Variants in TRPM3 observed in about 807,000 individuals in gnomAD.
TRPM3 encodes the protein long transient receptor potential channel 3.
Under a neutral mutation model 181.2 loss-of-function variants are expected in TRPM3, and 77 were observed. The ratio of observed to expected loss-of-function variants is 0.42; its 90% CI spans 0.35 to 0.51. TRPM3 has a LOEUF of 0.51. Among genes scored for constraint, TRPM3 ranks in the 20% least tolerant of loss-of-function variants. The pLI, the probability that TRPM3 is intolerant of heterozygous loss-of-function variation, is 0.01. For missense variants in TRPM3, 1,759 were observed against 2,196.7 expected (o/e 0.80, Z 3.98); for synonymous variants, 745 against 796.4 (o/e 0.94, Z 1.09).
intron 1 of TRPM3, among the ~76,000 whole-genome samples, chr9:71,241,183 A>C (rs1177992134): frequency 6.6e-6 from 1 of 152,110 alleles, no homozygotes; most frequent in Admixed American, 6.6e-5. Context: ...ACAGACCTTG[A>C]ACCTCAGGTA....
At chr9:70,621,871 G>C (rs746677771) in intron 14 of TRPM3, among the ~76,000 whole-genome samples, 11 of 152,180 alleles carry the variant, frequency 7.2e-5, no homozygotes, top group Admixed American at 7.2e-4. Context: ...AATAGAGCCT[G>C]CAGGTTTATA....
Position 70,687,911 on chromosome 9 carries a change from T to A in TRPM3, c.1273-6333A>T, listed in dbSNP as rs1256565568. On this transcript the variant is annotated intron_variant, in intron 8 of 25. Coordinates refer to ENST00000677713, the MANE Select transcript of TRPM3 (RefSeq NM_001366145.2). ...AGCAGTGAACCACACTGACAACAAC[T>A]CCCTGCCTTCATAGAACCTGCCTTC... Among the ~76,000 whole-genome samples, 5 of 152,164 alleles carry A rather than the reference T, an allele frequency of 3.3e-5. No homozygotes were observed. The East Asian group carries it at 9.6e-4, about 29-fold the overall frequency.
chr9:71,041,867 G>A (rs774048900), intron 1 of TRPM3, among the ~76,000 whole-genome samples: 4 of 151,966 alleles, frequency 2.6e-5, no homozygotes, highest in Admixed American at 1.3e-4. Flanking sequence ...CAGTCTCCTC[G>A]TTGCCCTCAA....
chr9:71,337,088 G>T (rs954023860), intron 1 of TRPM3, among the ~76,000 whole-genome samples: 1 of 151,974 alleles, frequency 6.6e-6, no homozygotes, highest in Non-Finnish European at 1.5e-5. Flanking sequence ...GCAACAAAAG[G>T]CAAAATTGAA....
rs566990314 is a variant in TRPM3, at chr9:70,581,931, C to T, written c.3223+9100G>A. 5.5e-5 allele frequency among the ~76,000 whole-genome samples: 8 copies of T among 144,300 alleles called. No individual in the cohort carries two copies. In the South Asian group the frequency reaches 1.5e-3, roughly 28 times the overall value. The allele number at this position is 144,300 out of a possible 152,430, so 94.7% of individuals were successfully genotyped here. On this transcript the variant is annotated intron_variant, in intron 22 of 25. Transcript: ENST00000677713. Reference sequence around the variant, plus strand: ...CCCTTCTTCATTCCTTCCCTCCTTCCCTCCCTTTTTTCCTTGTCTTCTCCT... The same window carrying T: ...CCCTTCTTCATTCCTTCCCTCCTTCTCTCCCTTTTTTCCTTGTCTTCTCCT...
chr9:71,200,322 T>C (rs11142730), intron 1 of TRPM3, among the ~76,000 whole-genome samples: 14,724 of 151,562 alleles, frequency 0.097, 800 homozygotes, highest in South Asian at 0.16. Flanking sequence ...ATAGGTGTGG[T>C]GTGGTGCTGA....
chr9:70,760,123 CA>C, intron 8 of TRPM3, among the ~76,000 whole-genome samples: 1 of 152,016 alleles, frequency 6.6e-6, no homozygotes, highest in Non-Finnish European at 1.5e-5. Flanking sequence ...CAGAATTCTG[CA>C]AAAACAGTCC....
chr9:70,751,967 A>G (rs2076204118), intron 8 of TRPM3, among the ~76,000 whole-genome samples: 1 of 147,728 alleles, frequency 6.8e-6, no homozygotes, highest in Non-Finnish European at 1.5e-5. Context: ...ATGAATCTTT[A>G]ATTTCAATGC....
intron 1 of TRPM3, among the ~76,000 whole-genome samples, chr9:71,309,204 T>C (rs1055830284): frequency 6.6e-6 from 1 of 152,198 alleles, no homozygotes; most frequent in African/African-American, 2.4e-5. Context: ...TCTTTTCTGT[T>C]GTCCAGCTTT....
intron 6 of TRPM3, among the ~76,000 whole-genome samples, chr9:70,787,238 G>A (rs551368971): frequency 6.6e-6 from 1 of 150,858 alleles, no homozygotes; most frequent in African/African-American, 2.4e-5. Flanking sequence ...GAAAACAAAC[G>A]TATTAATCCA....
At chr9:71,261,552 C>T (rs1029706050) in intron 1 of TRPM3, among the ~76,000 whole-genome samples, 11 of 152,150 alleles carry the variant, frequency 7.2e-5, no homozygotes, top group East Asian at 3.9e-4. Context: ...CCCTTGCTGG[C>T]GAGGAGTTGT....
intron 1 of TRPM3, among the ~76,000 whole-genome samples, chr9:71,181,187 C>T (rs539903652): frequency 5.9e-5 from 9 of 151,998 alleles, no homozygotes; most frequent in Admixed American, 2.6e-4. Flanking sequence ...CACACTCACT[C>T]GCCATTTGAA....
intron 24 of TRPM3, 32 bp downstream of exon 24, chr9:70,552,812 T>C (rs201254465): frequency 1.4e-4 from 227 of 1,611,306 alleles, no homozygotes; most frequent in Non-Finnish European, 1.8e-4. Flanking sequence ...GATTTCTGAT[T>C]TGTGGCAGCT....
At chr9:71,355,978 T>G (rs898841131) in intron 1 of TRPM3, among the ~76,000 whole-genome samples, 3 of 152,136 alleles carry the variant, frequency 2.0e-5, no homozygotes, top group African/African-American at 7.2e-5. Context: ...AAAGCACACT[T>G]CAGGAAAAAC....
rs117106200 is a variant in TRPM3 at position 71,373,885 on chromosome 9, C to T, written c.183+72768G>A. On this transcript the variant is annotated intron_variant, in intron 1 of 24. Transcript: ENST00000357533. ...TGATGCAAAAATCCCCACTAAAATA[C>T]TGGAAACTGAATCCAGCAGCACATC... Among the ~76,000 whole-genome samples, 1,481 of 152,272 alleles carry T rather than the reference C, an allele frequency of 9.7e-3. 16 individuals carry two copies. The highest frequency in any genetic ancestry group is 0.013 in the Non-Finnish European group (873 of 68,028).
chr9:70,664,915 G>C (rs920391468), intron 9 of TRPM3, among the ~76,000 whole-genome samples: 15 of 152,154 alleles, frequency 9.9e-5, no homozygotes, highest in African/African-American at 3.6e-4. Context: ...CTCCCAAAGT[G>C]CTGGGATTAC....
At chr9:71,255,997 G>C (rs1438409334) in intron 1 of TRPM3, among the ~76,000 whole-genome samples, 1 of 152,140 alleles carries the variant, frequency 6.6e-6, no homozygotes, top group Admixed American at 6.5e-5. Context: ...CTTCTCCTTT[G>C]ATCTGCTTCC....
intron 1 of TRPM3, among the ~76,000 whole-genome samples, chr9:71,194,353 G>C (rs2078214201): frequency 6.6e-6 from 1 of 151,886 alleles, no homozygotes; most frequent in Non-Finnish European, 1.5e-5. Flanking sequence ...CTTCTTCCTT[G>C]ATACATAGCT....
intron 1 of TRPM3, among the ~76,000 whole-genome samples, chr9:71,133,417 C>A (rs1464421999): frequency 6.7e-6 from 1 of 149,632 alleles, no homozygotes. Flanking sequence ...ACCTCAGCCT[C>A]CCCTCCCGAG....
Sources: gnomAD v4.1 joint callset for allele counts (sites outside exome capture counted in the v4.1 genomes callset) on GRCh38, gnomAD v4.1.1 for gene constraint, MANE v1.5 for transcripts, NCBI Gene and HGNC (gene_info 2026-07-23, HGNC 2026-07-21) for gene names.